DPYD: variants seen among roughly 807,000 people sequenced by gnomAD.
DPYD encodes dihydropyrimidine dehydrogenase [NADP(+)].
DPYD carries 109 observed loss-of-function variants against 116.2 expected under a neutral mutation model. The ratio of observed to expected loss-of-function variants is 0.94; its 90% CI spans 0.80 to 1.10. The LOEUF is 1.10. Ranked by LOEUF, DPYD falls within the 50% of genes least tolerant of loss-of-function variation. The probability of loss-of-function intolerance (pLI) is 0.00; values close to 1 mark genes in which losing one functional copy is unlikely to be tolerated. For synonymous variants in DPYD, 440 were observed against 432.0 expected (o/e 1.02, Z -0.23); for missense variants, 1,302 against 1,254.5 (o/e 1.04, Z -0.57).
At chr1:97,361,081 G>C (rs1356185811) in intron 16 of DPYD, among the ~76,000 whole-genome samples, 1 of 151,524 alleles carries the variant, frequency 6.6e-6, no homozygotes, top group East Asian at 1.9e-4. Context: ...GAAGAAGAGA[G>C]AGAAGAATCA....
At chr1:97,485,921 T>TA (rs1678607519) in intron 13 of DPYD, among the ~76,000 whole-genome samples, 1 of 152,182 alleles carries the variant, frequency 6.6e-6, no homozygotes, top group African/African-American at 2.4e-5. Context: ...ACTGTAGTTT[T>TA]AAAAAATTGA....
chr1:97,511,630 A>T (rs2101963537), intron 13 of DPYD, among the ~76,000 whole-genome samples: 1 of 152,080 alleles, frequency 6.6e-6, no homozygotes. Flanking sequence ...GAGAAGGGTG[A>T]TATGGGGTCA....
intron 3 of DPYD, among the ~76,000 whole-genome samples, chr1:97,742,423 T>C (rs1480685981): frequency 6.6e-6 from 1 of 152,112 alleles, no homozygotes; most frequent in African/African-American, 2.4e-5. Flanking sequence ...ACACAATGAG[T>C]ACCAAAGGCT....
chr1:97,225,078 G>A (rs1439605815), intron 19 of DPYD, among the ~76,000 whole-genome samples: 1 of 151,046 alleles, frequency 6.6e-6, no homozygotes. Flanking sequence ...CTATCTATAT[G>A]TAGTGCTGAT....
intron 8 of DPYD, among the ~76,000 whole-genome samples, chr1:97,667,682 T>C (rs1459837271): frequency 3.3e-5 from 5 of 152,080 alleles, no homozygotes; most frequent in African/African-American, 1.2e-4. Flanking sequence ...TAAACAGAGT[T>C]GCCAAATTAT....
At chr1:97,546,201 A>C in intron 12 of DPYD, 2 of 1,528,374 alleles carry the variant, frequency 1.3e-6, no homozygotes, top group African/African-American at 1.4e-5. Context: ...TAACAAGAAC[A>C]GGACAAAACG....
intron 12 of DPYD, chr1:97,546,053 C>T (rs878909031): frequency 1.4e-6 from 2 of 1,392,698 alleles, no homozygotes; most frequent in Middle Eastern, 1.9e-4. Context: ...ATGATGAAGA[C>T]AGCAACAACA....
chr1:97,651,114 T>C (rs1658555432), intron 8 of DPYD, among the ~76,000 whole-genome samples: 1 of 152,150 alleles, frequency 6.6e-6, no homozygotes, highest in African/African-American at 2.4e-5. Context: ...TTATTCATCT[T>C]TATACATAAA....
intron 8 of DPYD, among the ~76,000 whole-genome samples, chr1:97,604,754 C>G (rs1019103902): frequency 7.2e-5 from 11 of 152,060 alleles, no homozygotes; most frequent in Non-Finnish European, 1.0e-4. Context: ...AAAGGGCATT[C>G]TTGATGGATG....
intron 16 of DPYD, among the ~76,000 whole-genome samples, chr1:97,361,002 C>T (rs529917014): frequency 6.6e-6 from 1 of 152,014 alleles, no homozygotes; most frequent in East Asian, 1.9e-4. Context: ...TTAAAAAAAT[C>T]AATGAATCCA....
chr1:97,627,875 T>C (rs79047566), intron 8 of DPYD, among the ~76,000 whole-genome samples: 13,794 of 151,852 alleles, frequency 0.091, 763 homozygotes, highest in Middle Eastern at 0.14. Context: ...ATTATAATAC[T>C]ATTAGGTTCA....
intron 11 of DPYD, among the ~76,000 whole-genome samples, chr1:97,562,881 G>A (rs1439288273): frequency 6.6e-6 from 1 of 151,886 alleles, no homozygotes; most frequent in Non-Finnish European, 1.5e-5. Context: ...CATTACACCT[G>A]GCTAATTTTT....
rs182766831 is a variant in DPYD, at chr1:97,875,339, A to G, written c.150+7925T>C. On this transcript the variant is annotated intron_variant, in intron 2 of 22. Transcript: ENST00000370192. ...TCATAAGAATCATCTGGATACAGACAGGATCTTGGATGGAGATATTCATTT... is the reference window on the plus strand; with the variant it reads ...TCATAAGAATCATCTGGATACAGACGGGATCTTGGATGGAGATATTCATTT... Among the ~76,000 whole-genome samples, 5 of 152,100 alleles carry G rather than the reference A, an allele frequency of 3.3e-5. No individual in the cohort carries two copies. The East Asian group carries it at 7.8e-4, about 24-fold the overall frequency.
At chr1:97,272,021 C>T (rs1664611510) in intron 18 of DPYD, among the ~76,000 whole-genome samples, 1 of 152,156 alleles carries the variant, frequency 6.6e-6, no homozygotes, top group African/African-American at 2.4e-5. Flanking sequence ...GAGCAACAGA[C>T]TTTGTCAAAG....
intron 5 of DPYD, among the ~76,000 whole-genome samples, chr1:97,714,684 C>T (rs1226142112): frequency 1.3e-5 from 2 of 149,122 alleles, no homozygotes; most frequent in African/African-American, 2.5e-5. Flanking sequence ...ACAACTAAGC[C>T]GTATGTGTTG....
At chr1:97,540,332 G>C (rs1446794011) in intron 12 of DPYD, among the ~76,000 whole-genome samples, 1 of 133,900 alleles carries the variant, frequency 7.5e-6, no homozygotes, top group East Asian at 2.5e-4. Flanking sequence ...GGTGGGGGGT[G>C]GGGGGTGGGG....
At chr1:97,092,121 T>G (rs1649937908) in intron 21 of DPYD, among the ~76,000 whole-genome samples, 1 of 152,200 alleles carries the variant, frequency 6.6e-6, no homozygotes, top group Non-Finnish European at 1.5e-5. Flanking sequence ...AAGCTTGTTC[T>G]ATTTTCTCCA....
intron 3 of DPYD, among the ~76,000 whole-genome samples, chr1:97,795,394 GATAA>G (rs1448433101): frequency 1.3e-5 from 2 of 151,916 alleles, no homozygotes; most frequent in Non-Finnish European, 2.9e-5. Context: ...GTGTTAGAAT[GATAA>G]ATAAATACAT....
chr1:97,904,994 C>A (rs1235809976), intron 1 of DPYD, among the ~76,000 whole-genome samples: 1 of 151,982 alleles, frequency 6.6e-6, no homozygotes, highest in African/African-American at 2.4e-5. Context: ...AGTTGACTTA[C>A]ACAATTAAAG....
Sources: gnomAD v4.1 joint callset for allele counts (sites outside exome capture counted in the v4.1 genomes callset) on GRCh38, gnomAD v4.1.1 for gene constraint, MANE v1.5 for transcripts, NCBI Gene and HGNC (gene_info 2026-07-23, HGNC 2026-07-21) for gene names.